TGFA: variants seen among roughly 807,000 people sequenced by gnomAD.
TGFA encodes protransforming growth factor alpha.
A neutral mutation model predicts 21.7 loss-of-function variants in TGFA; 12 were observed. That is an observed-to-expected ratio of 0.55 (90% CI 0.35 to 0.90). The LOEUF (loss-of-function observed/expected upper bound fraction) is 0.90. Among genes scored for constraint, TGFA ranks in the 40% least tolerant of loss-of-function variants. The probability of loss-of-function intolerance (pLI) is 0.01; values close to 1 mark genes in which losing one functional copy is unlikely to be tolerated. For missense variants in TGFA, 178 were observed against 210.8 expected (o/e 0.84, Z 0.96); for synonymous variants, 79 against 88.1 (o/e 0.90, Z 0.58).
intron 2 of TGFA, among the ~76,000 whole-genome samples, chr2:70,503,018 A>G: frequency 6.6e-6 from 1 of 152,184 alleles, no homozygotes; most frequent in South Asian, 2.1e-4. Flanking sequence ...CAGTGTGGGA[A>G]TTCCTCAGGG....
At chr2:70,454,304 T>C (rs1574065315) in intron 4 of TGFA, among the ~76,000 whole-genome samples, 2 of 152,180 alleles carry the variant, frequency 1.3e-5, no homozygotes, top group South Asian at 2.1e-4. Flanking sequence ...TGTCCTGCAG[T>C]GAGAAGCTGC....
At chr2:70,459,876 G>C (rs981464583) in intron 3 of TGFA, among the ~76,000 whole-genome samples, 1 of 152,152 alleles carries the variant, frequency 6.6e-6, no homozygotes, top group Non-Finnish European at 1.5e-5. Flanking sequence ...GCTTCTGAGC[G>C]AACACTTCCC....
intron 2 of TGFA, among the ~76,000 whole-genome samples, chr2:70,485,937 A>C (rs368189908): frequency 4.0e-4 from 61 of 152,272 alleles, no homozygotes; most frequent in Non-Finnish European, 7.1e-4. Context: ...AGGAAGTCAC[A>C]ATTCACAATC....
chr2:70,499,506 C>G (rs1671675162), intron 2 of TGFA, among the ~76,000 whole-genome samples: 1 of 152,194 alleles, frequency 6.6e-6, no homozygotes, highest in African/African-American at 2.4e-5. Flanking sequence ...ACCTTTTAGT[C>G]TGGAGTAAAT....
chr2:70,514,812 G>T, intron 2 of TGFA, 47 bp downstream of exon 2: 3 of 1,602,256 alleles, frequency 1.9e-6, no homozygotes, highest in East Asian at 2.2e-5. Flanking sequence ...CAGCAGGCCC[G>T]CTCCCTTCCC....
At position 70,465,624 on chromosome 2, in the gene TGFA, T is replaced by C. The variant is rs1553492068; in HGVS notation, c.207A>G (p.Pro69=). 6.2e-7 allele frequency: 1 copy of C among 1,614,170 alleles called. No homozygotes were observed. The highest frequency in any genetic ancestry group is 8.5e-7 in the Non-Finnish European group (1 of 1,180,012). ...GAACAGGGGATACTTACACACATGC[T>C]GGCTTGTCCTCCTGCACCAAAAACC... ...TCRFLVQEDK[P]ACVCHSGYVG... Residue 69 remains proline (P), a synonymous_variant, in exon 3 of 6, where the codon CCA becomes CCG. Coordinates refer to ENST00000295400, the MANE Select transcript of TGFA (RefSeq NM_003236.4).
intron 2 of TGFA, among the ~76,000 whole-genome samples, chr2:70,471,545 G>A (rs561933660): frequency 9.8e-5 from 15 of 152,310 alleles, no homozygotes; most frequent in African/African-American, 3.1e-4. Context: ...GCCTTTAAAG[G>A]TGTTTGTCTT....
intron 1 of TGFA, among the ~76,000 whole-genome samples, chr2:70,523,508 CCTT>C (rs1365708910): frequency 2.6e-5 from 4 of 152,312 alleles, no homozygotes; most frequent in East Asian, 3.9e-4. Context: ...AACACTAACT[CCTT>C]CTCTTCTGCG....
At chr2:70,481,173 CAA>C (rs1671109171) in intron 2 of TGFA, among the ~76,000 whole-genome samples, 1 of 152,152 alleles carries the variant, frequency 6.6e-6, no homozygotes, top group Non-Finnish European at 1.5e-5. Context: ...AGTGAAATAT[CAA>C]AGAGTTGGAG....
rs116670814 is a variant in TGFA at position 70,517,504 on chromosome 2, G to A, written c.41-2592C>T. Reference sequence around the variant, plus strand: ...CAGGCCCAGTGCTAATGTTCTGCATGTGTTCTCTTACTTAGTCCTTATAAC... The same window carrying A: ...CAGGCCCAGTGCTAATGTTCTGCATATGTTCTCTTACTTAGTCCTTATAAC... On this transcript the variant is annotated intron_variant, in intron 1 of 5. Coordinates refer to ENST00000295400, the MANE Select transcript of TGFA (RefSeq NM_003236.4). Among the ~76,000 whole-genome samples the A allele has an allele frequency of 5.3e-3, 804 of 152,334 alleles. 4 individuals carry two copies. Among genetic ancestry groups the A allele is most frequent in the African/African-American group, 0.018 (750 of 41,570 alleles).
intron 1 of TGFA, among the ~76,000 whole-genome samples, chr2:70,529,305 T>C (rs192572552): frequency 2.6e-5 from 4 of 152,200 alleles, no homozygotes; most frequent in East Asian, 1.9e-4. Context: ...AGACAACACT[T>C]GGACTCTCCT....
chr2:70,452,459 C>A (rs1320752838), intron 5 of TGFA, among the ~76,000 whole-genome samples: 2 of 151,172 alleles, frequency 1.3e-5, no homozygotes, highest in African/African-American at 4.8e-5. Flanking sequence ...ATCATAGGAT[C>A]TAAGGGTTTT....
At chr2:70,492,377 G>A (rs1671461417) in intron 2 of TGFA, among the ~76,000 whole-genome samples, 1 of 152,224 alleles carries the variant, frequency 6.6e-6, no homozygotes, top group African/African-American at 2.4e-5. Flanking sequence ...ATCGAGCATG[G>A]CCCTGACATC....
rs376076548 is a variant in TGFA, at chr2:70,551,613, A to C, written c.40+2115T>G. The stretch of plus-strand genomic sequence containing the variant: ...AGTAAAGCTATATGTGGGAGGCAGC[A>C]GTTCTAGTAAACGCACAGAACTCAC... On this transcript the variant is annotated intron_variant, in intron 1 of 5. Transcript: ENST00000295400. Among the ~76,000 whole-genome samples, 8 of 152,366 alleles carry C rather than the reference A, an allele frequency of 5.3e-5. No individual in the cohort carries two copies. The South Asian group carries it at 1.2e-3, about 24-fold the overall frequency.
chr2:70,448,718 A>G lies in TGFA; in HGVS notation c.*2141T>C, dbSNP rs997939100. Reference sequence around the variant, plus strand: ...AGACCTGCTGGTTTCCAAAGGACTGACTTGGAAGGCACTTCTAGGGAGGCG... The same window carrying G: ...AGACCTGCTGGTTTCCAAAGGACTGGCTTGGAAGGCACTTCTAGGGAGGCG... On this transcript the variant is annotated 3_prime_UTR_variant, in exon 6 of 6. Coordinates refer to ENST00000295400, the MANE Select transcript of TGFA (RefSeq NM_003236.4). 1 of 152,194 alleles carries G rather than the reference A, an allele frequency of 6.6e-6. No individual in the cohort carries two copies. Among genetic ancestry groups the G allele is most frequent in the Non-Finnish European group, 1.5e-5 (1 of 68,044 alleles). The allele number at this position is 152,194 out of a possible 1,614,324, so 9.4% of individuals were successfully genotyped here.
At chr2:70,481,288 T>G (rs1671112756) in intron 2 of TGFA, among the ~76,000 whole-genome samples, 1 of 152,158 alleles carries the variant, frequency 6.6e-6, no homozygotes, top group African/African-American at 2.4e-5. Context: ...AGGGGCTCAG[T>G]CTCTAAGGTA....
At chr2:70,545,272 AGAAGAAGAAGAAGAG>A (rs1319186419) in intron 1 of TGFA, among the ~76,000 whole-genome samples, 6 of 146,530 alleles carry the variant, frequency 4.1e-5, no homozygotes, top group African/African-American at 1.7e-4. Flanking sequence ...AAGAAAAAGA[AGAAGAAGAAGAAGAG>A]GAAGAAGAAG....
intron 4 of TGFA, among the ~76,000 whole-genome samples, chr2:70,454,904 C>T (rs1670178688): frequency 6.6e-6 from 1 of 152,196 alleles, no homozygotes; most frequent in African/African-American, 2.4e-5. Flanking sequence ...CTGTGTGGGC[C>T]ACCAGTCTTG....
At chr2:70,514,539 T>C (rs1204338733) in intron 2 of TGFA, among the ~76,000 whole-genome samples, 1 of 127,592 alleles carries the variant, frequency 7.8e-6, no homozygotes, top group Non-Finnish European at 1.5e-5. Flanking sequence ...ATTACGAGAG[T>C]GGGGAAAACA....
Sources: gnomAD v4.1 joint callset for allele counts (sites outside exome capture counted in the v4.1 genomes callset) on GRCh38, gnomAD v4.1.1 for gene constraint, MANE v1.5 for transcripts, NCBI Gene and HGNC (gene_info 2026-07-23, HGNC 2026-07-21) for gene names.